The following CDH13 variants were observed in gnomAD, a reference collection of about 807,000 sequenced individuals.
CDH13 encodes the protein cadherin-13.
In CDH13, 24 loss-of-function variants were observed where a neutral mutation model predicts 63.8. The observed-to-expected ratio is 0.38, with a 90% CI of 0.27 to 0.53. CDH13 has a LOEUF of 0.53. CDH13 is among the 20% of genes least tolerant of loss of function. The probability of loss-of-function intolerance (pLI) is 0.85; values close to 1 mark genes in which losing one functional copy is unlikely to be tolerated. For missense variants in CDH13, 1,049 were observed against 903.1 expected, an observed-to-expected ratio of 1.16 and a Z score of -2.07; for synonymous variants, 503 against 355.3, an observed-to-expected ratio of 1.42 and a Z score of -4.67.
intron 7 of CDH13, among the ~76,000 whole-genome samples, chr16:83,522,566 G>T (rs2074866200): frequency 6.6e-6 from 1 of 152,122 alleles, no homozygotes; most frequent in African/African-American, 2.4e-5. Context: ...ATGGTCTGTG[G>T]CCAATAAATG....
At chr16:82,736,503 G>C (rs1256701045) in intron 1 of CDH13, among the ~76,000 whole-genome samples, 1 of 152,078 alleles carries the variant, frequency 6.6e-6, no homozygotes, top group Non-Finnish European at 1.5e-5. Flanking sequence ...AAAATAAACA[G>C]AGCACTGCCA....
At chr16:82,671,647 C>G (rs12930254) in intron 1 of CDH13, among the ~76,000 whole-genome samples, 35,133 of 152,112 alleles carry the variant, frequency 0.23, 4,103 homozygotes, top group East Asian at 0.33. Flanking sequence ...GTCTTTTGCC[C>G]AGATAGTGAT....
intron 10 of CDH13, among the ~76,000 whole-genome samples, chr16:83,737,687 T>C (rs1300467196): frequency 2.0e-5 from 3 of 152,176 alleles, no homozygotes; most frequent in Non-Finnish European, 4.4e-5. Context: ...CTGGAAAACA[T>C]GTTAAAAATG....
chr16:82,790,186 C>G (rs1339940812), intron 1 of CDH13, among the ~76,000 whole-genome samples: 2 of 152,110 alleles, frequency 1.3e-5, no homozygotes, highest in Non-Finnish European at 2.9e-5. Flanking sequence ...CCTATAATCC[C>G]AGCCCTTTGG....
intron 2 of CDH13, among the ~76,000 whole-genome samples, chr16:82,971,080 C>A (rs991236637): frequency 6.6e-6 from 1 of 152,186 alleles, no homozygotes; most frequent in Admixed American, 6.5e-5. Flanking sequence ...TGCAGAAGAA[C>A]AAACACATTC....
intron 2 of CDH13, among the ~76,000 whole-genome samples, chr16:82,945,234 C>T (rs967248332): frequency 6.6e-6 from 1 of 152,174 alleles, no homozygotes; most frequent in South Asian, 2.1e-4. Flanking sequence ...AGTCACTCAA[C>T]TGTGCCCGTG....
Position 83,795,114 on chromosome 16 carries a change from T to G in CDH13, c.*84T>G. The G allele has an allele frequency of 8.1e-7, 1 of 1,239,326 alleles. No homozygotes were observed. The highest frequency in any genetic ancestry group is 1.1e-6 in the Non-Finnish European group (1 of 884,170). The allele number at this position is 1,239,326 out of a possible 1,614,324, so 76.8% of individuals were successfully genotyped here. Reference sequence around the variant, plus strand: ...ATCTATCCAAATCTGAAGATTGCGGTTTACAGCTATCGAACTTCACAACTA... The same window carrying G: ...ATCTATCCAAATCTGAAGATTGCGGGTTACAGCTATCGAACTTCACAACTA... On this transcript the variant is annotated 3_prime_UTR_variant, in exon 14 of 14. Coordinates refer to ENST00000567109, the MANE Select transcript of CDH13 (RefSeq NM_001257.5).
At chr16:83,739,163 G>A (rs1040025985) in intron 10 of CDH13, among the ~76,000 whole-genome samples, 25 of 152,116 alleles carry the variant, frequency 1.6e-4, no homozygotes, top group African/African-American at 1.2e-4. Context: ...AACTGCTTGC[G>A]CGAACAAATG....
At chr16:83,255,220 A>G (rs1034228574) in intron 5 of CDH13, among the ~76,000 whole-genome samples, 2 of 152,164 alleles carry the variant, frequency 1.3e-5, no homozygotes, top group Admixed American at 6.6e-5. Flanking sequence ...GCACATTATA[A>G]CTTCTCCAGC....
intron 1 of CDH13, among the ~76,000 whole-genome samples, chr16:82,763,557 A>G (rs1267522654): frequency 6.6e-6 from 1 of 152,260 alleles, no homozygotes; most frequent in Non-Finnish European, 1.5e-5. Context: ...TTATTTACTT[A>G]AAAATGCAAT....
chr16:82,699,724 C>T (rs1482380570), intron 1 of CDH13, among the ~76,000 whole-genome samples: 1 of 152,166 alleles, frequency 6.6e-6, no homozygotes, highest in Non-Finnish European at 1.5e-5. Flanking sequence ...TTACCTTCTC[C>T]CACCCACAAT....
chr16:83,058,667 C>A (rs1248148300), intron 3 of CDH13, among the ~76,000 whole-genome samples: 1 of 152,102 alleles, frequency 6.6e-6, no homozygotes, highest in African/African-American at 2.4e-5. Context: ...TAAGTGTCTC[C>A]TGTGTAAATA....
intron 1 of CDH13, among the ~76,000 whole-genome samples, chr16:82,785,549 G>A (rs1478325613): frequency 2.0e-5 from 3 of 152,242 alleles, no homozygotes; most frequent in Middle Eastern, 3.4e-3. Flanking sequence ...CCAAGTAAAT[G>A]ACTAATTAAT....
At chr16:83,097,049 C>T (rs1235135982) in intron 3 of CDH13, among the ~76,000 whole-genome samples, 1 of 152,154 alleles carries the variant, frequency 6.6e-6, no homozygotes, top group African/African-American at 2.4e-5. Context: ...AGCAATACCA[C>T]TCTCCCTTGT....
At chr16:83,493,491 C>A (rs1377204314) in intron 7 of CDH13, among the ~76,000 whole-genome samples, 1 of 152,176 alleles carries the variant, frequency 6.6e-6, no homozygotes, top group African/African-American at 2.4e-5. Flanking sequence ...CACACGCATG[C>A]AAAGATGTGC....
At chr16:82,807,642 G>A (rs2037215125) in intron 1 of CDH13, among the ~76,000 whole-genome samples, 1 of 152,170 alleles carries the variant, frequency 6.6e-6, no homozygotes, top group Non-Finnish European at 1.5e-5. Flanking sequence ...TGTGGGTTCA[G>A]GGATAATAAC....
intron 6 of CDH13, among the ~76,000 whole-genome samples, chr16:83,387,192 G>A (rs2091691524): frequency 6.6e-6 from 1 of 152,106 alleles, no homozygotes. Context: ...GGAGGAGGAG[G>A]AGGCAAGGTA....
intron 6 of CDH13, among the ~76,000 whole-genome samples, chr16:83,413,719 G>A (rs1018216864): frequency 6.6e-6 from 1 of 152,150 alleles, no homozygotes; most frequent in Admixed American, 6.5e-5. Flanking sequence ...AGTGCACGGT[G>A]GCTCATGCCT....
At chr16:83,314,825 G>A (rs2090073232) in intron 5 of CDH13, among the ~76,000 whole-genome samples, 1 of 152,204 alleles carries the variant, frequency 6.6e-6, no homozygotes, top group Non-Finnish European at 1.5e-5. Context: ...GCTTTGGGAT[G>A]CTTGTATGTG....
Sources: allele counts gnomAD v4.1 joint callset (sites outside exome capture counted in the v4.1 genomes callset), GRCh38; gene constraint gnomAD v4.1.1; transcripts MANE v1.5; gene names NCBI Gene and HGNC (gene_info 2026-07-23, HGNC 2026-07-21).